SCAF4: variants seen among roughly 807,000 people sequenced by gnomAD.
SCAF4 encodes SR-related and CTD-associated factor 4.
In SCAF4, 25 loss-of-function variants were observed where a neutral mutation model predicts 129.8. The observed-to-expected ratio is 0.19, with a 90% CI of 0.14 to 0.27. The LOEUF (loss-of-function observed/expected upper bound fraction) is 0.27. Ranked by LOEUF, SCAF4 falls within the 10% of genes least tolerant of loss-of-function variation. The pLI is 1.00. For missense variants in SCAF4, 1,246 were observed against 1,457.1 expected, an observed-to-expected ratio of 0.86 and a Z score of 2.36; for synonymous variants, 551 against 497.7, an observed-to-expected ratio of 1.11 and a Z score of -1.43.
In SCAF4 at chr21:31,701,320, T is replaced by C. The variant is rs987109678; in HGVS notation, c.601-149A>G. 12 of 611,016 alleles carry C rather than the reference T, an allele frequency of 2.0e-5. No individual in the cohort carries two copies. The African/African-American group carries it at 2.2e-4, about 11-fold the overall frequency. The allele number at this position is 611,016 out of a possible 1,614,324, so 37.8% of individuals were successfully genotyped here. A position where few individuals can be genotyped will look rare whatever the true frequency, so the allele number is the denominator to read the frequency against. ...AAAAATCCTTTTATGAATGGTTAAATTTGTTGTGAATGAATATACAGAGAT... is the reference window on the plus strand; with the variant it reads ...AAAAATCCTTTTATGAATGGTTAAACTTGTTGTGAATGAATATACAGAGAT... On this transcript the variant is annotated intron_variant, in intron 6 of 19. Coordinates refer to ENST00000286835, the MANE Select transcript of SCAF4 (RefSeq NM_020706.2).
In SCAF4 at chr21:31,702,180, TCTGA is replaced by T. The variant is rs1412565307; in HGVS notation, c.457+60_457+63del. ...AAAAATTCCTTCAATACACATAAAC[TCTGA>T]CTGTTTCATGTGCAAAAAATCATAC... On this transcript the variant is annotated intron_variant, in intron 5 of 19. Coordinates refer to ENST00000286835, the MANE Select transcript of SCAF4 (RefSeq NM_020706.2). 1.3e-4 allele frequency: 203 copies of T among 1,599,184 alleles called. 1 individual carries two copies. Among genetic ancestry groups the T allele is most frequent in the Non-Finnish European group, 4.0e-5 (47 of 1,169,616 alleles).
At chr21:31,678,318 G>A (rs1008568463) in intron 19 of SCAF4, among the ~76,000 whole-genome samples, 3 of 151,998 alleles carry the variant, frequency 2.0e-5, no homozygotes, top group African/African-American at 4.8e-5. Flanking sequence ...ACTCTTTTTC[G>A]CATTCCGTAT....
chr21:31,689,687 T>C (rs930352122), intron 15 of SCAF4, among the ~76,000 whole-genome samples: 1 of 151,038 alleles, frequency 6.6e-6, no homozygotes, highest in African/African-American at 2.4e-5. Flanking sequence ...CCCAGCACTT[T>C]GGGAGGCTGA....
intron 1 of SCAF4, among the ~76,000 whole-genome samples, chr21:31,723,629 T>TGTGTGTGTGTGTGTGTGC (rs1271033175): frequency 2.8e-4 from 42 of 149,072 alleles, no homozygotes; most frequent in African/African-American, 1.0e-3. Flanking sequence ...TGTGTGTGTG[T>TGTGTGTGTGTGTGTGTGC]GCGCGCGCGC....
At chr21:31,693,812 T>C (rs2050317237) in intron 11 of SCAF4, among the ~76,000 whole-genome samples, 2 of 152,200 alleles carry the variant, frequency 1.3e-5, no homozygotes, top group Non-Finnish European at 2.9e-5. Context: ...CCTATCTTCT[T>C]AGTAAAGTCT....
chr21:31,715,826 C>T (rs1308092507), intron 1 of SCAF4, among the ~76,000 whole-genome samples: 1 of 152,156 alleles, frequency 6.6e-6, no homozygotes, highest in African/African-American at 2.4e-5. Flanking sequence ...TACTGTCATC[C>T]TGCCCATATT....
intron 19 of SCAF4, among the ~76,000 whole-genome samples, chr21:31,677,324 A>G (rs1348892831): frequency 6.6e-6 from 1 of 152,146 alleles, no homozygotes; most frequent in Admixed American, 6.5e-5. Flanking sequence ...GGGCTTCCCA[A>G]TCATAAGTAT....
At chr21:31,695,087 G>C in intron 9 of SCAF4, 107 bp from the exon 10 acceptor site, 1 of 871,130 alleles carries the variant, frequency 1.1e-6, no homozygotes, top group Non-Finnish European at 1.8e-6. Context: ...TCAAGGAAAA[G>C]TTACAACGAC....
intron 1 of SCAF4, among the ~76,000 whole-genome samples, chr21:31,724,877 A>G (rs1279837010): frequency 6.6e-6 from 1 of 152,178 alleles, no homozygotes; most frequent in Non-Finnish European, 1.5e-5. Flanking sequence ...TTTTTCTGAA[A>G]CAGAATACTA....
intron 11 of SCAF4, 77 bp from the exon 12 acceptor site, chr21:31,693,561 C>A: frequency 1.0e-6 from 1 of 956,744 alleles, no homozygotes. Flanking sequence ...CTAATTAAAA[C>A]AGAACAAAAA....
chr21:31,678,061 C>A (rs563022462), intron 19 of SCAF4, among the ~76,000 whole-genome samples: 10 of 152,260 alleles, frequency 6.6e-5, no homozygotes, highest in African/African-American at 2.4e-4. Flanking sequence ...TTTACATTTT[C>A]TCCTTAGGTA....
At position 31,694,931 on chromosome 21, in the gene SCAF4, G is replaced by A; in HGVS notation, c.1118C>T (p.Thr373Ile). 1 of 1,614,070 alleles carries A rather than the reference G, an allele frequency of 6.2e-7. No homozygotes were observed. The highest frequency in any genetic ancestry group is 8.5e-7 in the Non-Finnish European group (1 of 1,179,912). ...GQMPGFGLLP[T>I]PPFPPMAQPV... is the part of the protein sequence containing the mutation. The stretch of plus-strand genomic sequence containing the variant: ...CTGAGCCATGGGAGGAAATGGAGGT[G>A]TAGGAAGAAGTCCAAATCCTGGCAT... The change falls in exon 10 of 20, where the codon ACA becomes ATA. Residue 373 changes from threonine (T) to isoleucine (I), a missense_variant. Coordinates refer to ENST00000286835, the MANE Select transcript of SCAF4 (RefSeq NM_020706.2).
At chr21:31,719,313 A>C (rs2051015061) in intron 1 of SCAF4, among the ~76,000 whole-genome samples, 1 of 151,984 alleles carries the variant, frequency 6.6e-6, no homozygotes. Flanking sequence ...AAAACAAAAA[A>C]CAAAAAAAAC....
chr21:31,676,460 A>G (rs558600228), intron 19 of SCAF4, among the ~76,000 whole-genome samples: 4 of 152,246 alleles, frequency 2.6e-5, no homozygotes, highest in East Asian at 1.9e-4. Flanking sequence ...TGCCTGGAAA[A>G]TCCCCAACAT....
chr21:31,731,525 C>A (rs972070635), intron 1 of SCAF4, 138 bp downstream of exon 1: 9 of 1,017,822 alleles, frequency 8.8e-6, no homozygotes, highest in Non-Finnish European at 1.3e-5. Flanking sequence ...GGCCCCGCTC[C>A]GCGCAGGCCC....
chr21:31,671,151 G>A lies in SCAF4; in HGVS notation c.*248C>T, dbSNP rs557903049. 1.2e-5 allele frequency: 4 copies of A among 330,708 alleles called. No homozygotes were observed. Among genetic ancestry groups the A allele is most frequent in the South Asian group, 1.1e-4 (1 of 9,418 alleles). 20.5% of individuals were successfully genotyped at this position (330,708 alleles called of 1,614,324 possible). On this transcript the variant is annotated 3_prime_UTR_variant, in exon 20 of 20. Coordinates refer to ENST00000286835, the MANE Select transcript of SCAF4 (RefSeq NM_020706.2). ...TAGAGAGCACTTCTAATTACGATTT[G>A]TAAACTTTTTAAAGTCAAAACTTTT...
chr21:31,683,728 C>T (rs893525155), intron 19 of SCAF4, among the ~76,000 whole-genome samples: 7 of 150,794 alleles, frequency 4.6e-5, no homozygotes, highest in Admixed American at 2.0e-4. Flanking sequence ...AAAAGCATAA[C>T]AAAAAAGATG....
intron 16 of SCAF4, among the ~76,000 whole-genome samples, chr21:31,686,744 T>C (rs918261703): frequency 1.3e-5 from 2 of 152,150 alleles, no homozygotes; most frequent in South Asian, 2.1e-4. Context: ...CAGCATTAGA[T>C]TGTCATAGGA....
chr21:31,693,429 G>A lies in SCAF4; in HGVS notation c.1378C>T (p.Arg460Ter), dbSNP rs775432821. Residue 460 changes from arginine (R) to a stop codon, truncating the protein, a stop_gained, in exon 12 of 20, where the codon CGA (arginine) becomes TGA (stop). Coordinates refer to ENST00000286835, the MANE Select transcript of SCAF4 (RefSeq NM_020706.2). LOFTEE classifies it high-confidence loss of function. ...SGSRSRRSRH[R>*]RSRSRSRDRR... ...TCCCTGGACCGAGATCGAGAACGTC[G>A]ATGCCGAGACCTTCGAGATCTAGAA... 2 of 1,560,202 alleles carry A rather than the reference G, an allele frequency of 1.3e-6. No individual in the cohort carries two copies. Among genetic ancestry groups the A allele is most frequent in the Non-Finnish European group, 1.7e-6 (2 of 1,143,160 alleles).
Sources: gnomAD v4.1 joint callset for allele counts (sites outside exome capture counted in the v4.1 genomes callset) on GRCh38, gnomAD v4.1.1 for gene constraint, MANE v1.5 for transcripts, NCBI Gene and HGNC (gene_info 2026-07-23, HGNC 2026-07-21) for gene names.